BIN1: variants seen among roughly 807,000 people sequenced by gnomAD.
BIN1 encodes bridging integrator 1.
A neutral mutation model predicts 82.0 loss-of-function variants in BIN1; 53 were observed. The ratio of observed to expected loss-of-function variants is 0.65; its 90% CI spans 0.52 to 0.81. BIN1 has a LOEUF of 0.81. Among genes scored for constraint, BIN1 ranks in the 40% least tolerant of loss-of-function variants. The probability of loss-of-function intolerance (pLI) is 0.00; values close to 1 mark genes in which losing one functional copy is unlikely to be tolerated. For missense variants in BIN1, 642 were observed against 784.4 expected, an observed-to-expected ratio of 0.82 and a Z score of 2.17; for synonymous variants, 302 against 328.0, an observed-to-expected ratio of 0.92 and a Z score of 0.86.
At position 127,068,341 on chromosome 2, in the gene BIN1, G is replaced by A; in HGVS notation, c.520-86C>T. ...ACAGAGACACACAGATTAAATGCAG[G>A]TCCACACGCCCCACGCGCGGGGGCC... On this transcript the variant is annotated intron_variant, in intron 6 of 18. Coordinates refer to ENST00000316724, the MANE Select transcript of BIN1 (RefSeq NM_139343.3). This position sits in a 1 kb window ranked among gnomAD's most constrained non-coding sequence, Gnocchi z 4.9. 8.7e-7 allele frequency: 1 copy of A among 1,153,468 alleles called. No homozygotes were observed. The highest frequency in any genetic ancestry group is 2.5e-5 in the East Asian group (1 of 39,752). 71.5% of individuals were successfully genotyped at this position (1,153,468 alleles called of 1,614,324 possible). A position where few individuals can be genotyped will look rare whatever the true frequency, so the allele number is the denominator to read the frequency against.
chr2:127,084,833 A>T (rs1267053618), intron 1 of BIN1, among the ~76,000 whole-genome samples: 1 of 152,054 alleles, frequency 6.6e-6, no homozygotes, highest in Non-Finnish European at 1.5e-5. Context: ...AGGAGGCCAC[A>T]CTGACTGTGG....
chr2:127,084,646 A>G (rs886642280), intron 1 of BIN1, among the ~76,000 whole-genome samples: 1 of 152,266 alleles, frequency 6.6e-6, no homozygotes, highest in African/African-American at 2.4e-5. Context: ...AAGAAAGGAA[A>G]GGCTGCGGCA....
At chr2:127,097,781 C>G (rs768660744) in intron 1 of BIN1, among the ~76,000 whole-genome samples, 2 of 151,982 alleles carry the variant, frequency 1.3e-5, no homozygotes, top group Non-Finnish European at 2.9e-5. Flanking sequence ...GGGCAGGGCC[C>G]GCCTCACCCA....
At chr2:127,060,834 C>T (rs1172431503) in intron 10 of BIN1, among the ~76,000 whole-genome samples, 2 of 152,188 alleles carry the variant, frequency 1.3e-5, no homozygotes, top group Middle Eastern at 3.2e-3. Flanking sequence ...CCTGCTGTGG[C>T]CAGGTGCCCG....
chr2:127,063,801 C>T, intron 8 of BIN1, 132 bp downstream of exon 8: 3 of 1,420,930 alleles, frequency 2.1e-6, no homozygotes, highest in South Asian at 1.2e-5. Context: ...CTGCAGCACA[C>T]AGGCTGGGCA....
In BIN1 at chr2:127,059,021, G is replaced by A; in HGVS notation, c.992C>T (p.Ser331Phe). Residue 331 changes from serine (S) to phenylalanine (F), a missense_variant, in exon 11 of 19, where the codon TCC becomes TTC. Coordinates refer to ENST00000316724, the MANE Select transcript of BIN1 (RefSeq NM_139343.3). This position sits in a 1 kb window ranked among gnomAD's most constrained non-coding sequence, Gnocchi z 6.7. ...GATPGATLPK[S>F]PSQLRKGPPV... ...AGACATCACTCCTACCTGAGATGGG[G>A]ACTTGGGGAGGGTGGCCCCGGGCGT... is the stretch of plus-strand genomic sequence containing the variant. The A allele has an allele frequency of 6.4e-7, 1 of 1,559,610 alleles. No homozygotes were observed. Among genetic ancestry groups the A allele is most frequent in the Non-Finnish European group, 8.7e-7 (1 of 1,151,488 alleles).
At chr2:127,095,376 G>A (rs1441611481) in intron 1 of BIN1, among the ~76,000 whole-genome samples, 1 of 152,188 alleles carries the variant, frequency 6.6e-6, no homozygotes, top group Non-Finnish European at 1.5e-5. Flanking sequence ...CCTGCACCAT[G>A]CCTCCCTGGC....
rs1489939851 is a variant in BIN1, at chr2:127,057,801, C to T, written c.1003-200G>A. On this transcript the variant is annotated intron_variant, in intron 11 of 18. Coordinates refer to ENST00000316724, the MANE Select transcript of BIN1 (RefSeq NM_139343.3). This position sits in a 1 kb window ranked among gnomAD's most constrained non-coding sequence, Gnocchi z 5.0. ...TAGACACCAAGACCCCAGGCCACCC[C>T]CGAGAGGGACACTGAGGCAGGCGGT... Among the ~76,000 whole-genome samples, 3 of 151,902 alleles carry T rather than the reference C, an allele frequency of 2.0e-5. No individual in the cohort carries two copies. The highest frequency in any genetic ancestry group is 4.4e-5 in the Non-Finnish European group (3 of 67,990).
intron 7 of BIN1, among the ~76,000 whole-genome samples, chr2:127,064,611 C>A (rs572640813): frequency 2.4e-4 from 37 of 152,222 alleles, no homozygotes; most frequent in Non-Finnish European, 5.1e-4. Context: ...CAGAGGGAGA[C>A]CAGAGGCAGC....
rs746786096 is a variant in BIN1 at position 127,059,097 on chromosome 2, C to T, written c.916G>A (p.Ala306Thr). The change falls in exon 11 of 19, where the codon GCC becomes ACC. Residue 306 changes from alanine (A) to threonine (T), a missense_variant. Coordinates refer to ENST00000316724, the MANE Select transcript of BIN1 (RefSeq NM_139343.3). This position sits in a 1 kb window ranked among gnomAD's most constrained non-coding sequence, Gnocchi z 6.7. The stretch of plus-strand genomic sequence containing the variant: ...TGGTTGACTCTGATCTCGGGGGTGG[C>T]GGCAGGGGAGCCATCTGGAGGCGAA... ...SPSPPDGSPA[A>T]TPEIRVNHEP... 37 of 1,592,950 alleles carry T rather than the reference C, an allele frequency of 2.3e-5. No homozygotes were observed. In the East Asian group the frequency reaches 2.9e-4, roughly 13 times the overall value.
Position 127,059,032 on chromosome 2 carries a change from G to A in BIN1, c.981C>T (p.Thr327=). 3 of 1,561,452 alleles carry A rather than the reference G, an allele frequency of 1.9e-6. No individual in the cohort carries two copies. Among genetic ancestry groups the A allele is most frequent in the Non-Finnish European group, 2.6e-6 (3 of 1,152,564 alleles). Residue 327 remains threonine, a synonymous_variant, in exon 11 of 19, where the codon ACC becomes ACT. Transcript: ENST00000316724. This position sits in a 1 kb window ranked among gnomAD's most constrained non-coding sequence, Gnocchi z 6.7. The part of the protein sequence containing the change: ...EPAGGATPGA[T]LPKSPSQLRK... Reference sequence around the variant, plus strand: ...CTACCTGAGATGGGGACTTGGGGAGGGTGGCCCCGGGCGTGGCCCCGCCGG... The same window carrying A: ...CTACCTGAGATGGGGACTTGGGGAGAGTGGCCCCGGGCGTGGCCCCGCCGG...
At chr2:127,079,512 C>T (rs1023156959) in intron 1 of BIN1, among the ~76,000 whole-genome samples, 3 of 152,216 alleles carry the variant, frequency 2.0e-5, no homozygotes, top group Non-Finnish European at 2.9e-5. Flanking sequence ...GTCACAGACG[C>T]GCACACTCTA....
At chr2:127,100,780 C>T (rs1395738399) in intron 1 of BIN1, among the ~76,000 whole-genome samples, 1 of 152,110 alleles carries the variant, frequency 6.6e-6, no homozygotes. Context: ...AGCCCGGGTG[C>T]TGGGCCTCTT....
intron 1 of BIN1, chr2:127,081,771 C>T (rs1687318834): frequency 7.8e-7 from 1 of 1,280,412 alleles, no homozygotes; most frequent in Non-Finnish European, 1.0e-6. Context: ...TCCAGCAAAT[C>T]TCCCTCCCAG....
At position 127,054,224 on chromosome 2, in the gene BIN1, C is replaced by A. The variant is rs973813149; in HGVS notation, c.1132-212G>T. ...TCACACACGGGAGCACTGCCCAAAG[C>A]CACGCGCCCCGGCACAGGCTCCCGC... On this transcript the variant is annotated intron_variant, in intron 12 of 18. Coordinates refer to ENST00000316724, the MANE Select transcript of BIN1 (RefSeq NM_139343.3). The A allele has an allele frequency of 3.8e-5, 23 of 603,780 alleles. No homozygotes were observed. The South Asian group carries it at 4.0e-4, about 11-fold the overall frequency. 37.4% of individuals were successfully genotyped at this position (603,780 alleles called of 1,614,324 possible). A position where few individuals can be genotyped will look rare whatever the true frequency, so the allele number is the denominator to read the frequency against.
chr2:127,050,339 C>T, intron 18 of BIN1, 82 bp downstream of exon 18: 5 of 1,499,110 alleles, frequency 3.3e-6, no homozygotes, highest in South Asian at 1.1e-5. Context: ...CCCCTGCTGG[C>T]CTGTCTCCGC....
chr2:127,072,387 G>A (rs539011808), intron 2 of BIN1, among the ~76,000 whole-genome samples: 2 of 152,320 alleles, frequency 1.3e-5, no homozygotes, highest in East Asian at 3.9e-4. Flanking sequence ...CAGCAAAGAA[G>A]CGGACAGAGG....
In BIN1 at chr2:127,068,017, TGAA is replaced by T; in HGVS notation, c.612+143_612+145del. The T allele has an allele frequency of 8.3e-6, 7 of 844,990 alleles. No homozygotes were observed. In the South Asian group the frequency reaches 1.0e-4, roughly 12 times the overall value. 52.3% of individuals were successfully genotyped at this position (844,990 alleles called of 1,614,324 possible). The stretch of plus-strand genomic sequence containing the variant: ...CCTACATTTGACTTCAGGTCTCCTC[TGAA>T]GCAGAGCTCTCCCAGCAGAGGCCTT... On this transcript the variant is annotated intron_variant, in intron 7 of 18. Transcript: ENST00000316724. The surrounding 1 kb of genome is among the most constrained non-coding windows in gnomAD (Gnocchi z 4.9).
At chr2:127,103,580 G>C (rs1411213325) in intron 1 of BIN1, among the ~76,000 whole-genome samples, 1 of 152,162 alleles carries the variant, frequency 6.6e-6, no homozygotes, top group Non-Finnish European at 1.5e-5. Context: ...CTCACTGTCA[G>C]CCCAGCGTGG....
Sources: allele counts gnomAD v4.1 joint callset (sites outside exome capture counted in the v4.1 genomes callset), GRCh38; gene constraint gnomAD v4.1.1; non-coding constraint Gnocchi (gnomAD v3.1); transcripts MANE v1.5; gene names NCBI Gene and HGNC (gene_info 2026-07-23, HGNC 2026-07-21).